Variants in CSMD1 observed in about 807,000 individuals in gnomAD.
CSMD1 encodes the protein CUB and Sushi multiple domains 1, also known as CUB and sushi domain-containing protein 1.
Under a neutral mutation model 417.5 loss-of-function variants are expected in CSMD1, and 213 were observed. The ratio of observed to expected loss-of-function variants is 0.51; its 90% confidence interval spans 0.46 to 0.57. The LOEUF (loss-of-function observed/expected upper bound fraction) is 0.57, where lower values mean the gene tolerates loss of function less well. Among genes scored for constraint, CSMD1 ranks in the 20% least tolerant of loss-of-function variants. CSMD1 has a pLI of 0.00. For missense variants in CSMD1, 6,923 were observed against 4,529.7 expected (o/e 1.53, Z -15.17); for synonymous variants, 2,862 against 1,736.8 (o/e 1.65, Z -16.11).
intron 26 of CSMD1, among the ~76,000 whole-genome samples, chr8:3,257,844 G>A (rs966256971): frequency 6.6e-6 from 1 of 152,142 alleles, no homozygotes; most frequent in East Asian, 1.9e-4. Flanking sequence ...AGCTGCAAGG[G>A]ACTTGGGGCT....
At chr8:4,113,943 AG>A (rs1276885358) in intron 3 of CSMD1, among the ~76,000 whole-genome samples, 2 of 152,228 alleles carry the variant, frequency 1.3e-5, no homozygotes, top group African/African-American at 2.4e-5. Flanking sequence ...ATTTAAGAAA[AG>A]AAGCCATCTC....
chr8:3,828,684 T>C (rs1352463512), intron 5 of CSMD1, among the ~76,000 whole-genome samples: 2 of 152,126 alleles, frequency 1.3e-5, no homozygotes, highest in African/African-American at 4.8e-5. Flanking sequence ...GGACCTCTTT[T>C]CAGGTTGCTT....
chr8:4,240,532 G>C (rs769289055), intron 3 of CSMD1, among the ~76,000 whole-genome samples: 10 of 152,188 alleles, frequency 6.6e-5, no homozygotes, highest in Admixed American at 2.6e-4. Flanking sequence ...ACCTGATTGT[G>C]TAGTGTCCTC....
chr8:3,158,168 G>A (rs147773005), intron 38 of CSMD1, among the ~76,000 whole-genome samples: 6 of 152,170 alleles, frequency 3.9e-5, no homozygotes, highest in East Asian at 3.9e-4. Context: ...CATTTTCACC[G>A]TGTTTCTTTC....
intron 11 of CSMD1, among the ~76,000 whole-genome samples, chr8:3,485,075 A>G (rs999323001): frequency 1.3e-5 from 2 of 152,222 alleles, no homozygotes; most frequent in Admixed American, 6.5e-5. Context: ...TTTCCAAGAG[A>G]AATAAAAACT....
In CSMD1 at chr8:3,829,242, T is replaced by C. The variant is rs187735370; in HGVS notation, c.819-75200A>G. ...TCCTTCTTATGCCTTTGCATCCTCA[T>C]AGCTTAGCTCCCACATATGAGTGAG... is the stretch of plus-strand genomic sequence containing the variant. On this transcript the variant is annotated intron_variant, in intron 5 of 69. Coordinates refer to ENST00000635120, the MANE Select transcript of CSMD1 (RefSeq NM_033225.6). 2.3e-3 allele frequency among the ~76,000 whole-genome samples: 343 copies of C among 152,248 alleles called. 2 individuals are homozygous for C. Among genetic ancestry groups the C allele is most frequent in the African/African-American group, 7.8e-3 (324 of 41,552 alleles).
At chr8:4,434,178 A>G (rs912284486) in intron 2 of CSMD1, among the ~76,000 whole-genome samples, 12 of 152,152 alleles carry the variant, frequency 7.9e-5, no homozygotes, top group African/African-American at 2.9e-4. Flanking sequence ...TCTCTACTAA[A>G]AATACAGAAA....
intron 1 of CSMD1, among the ~76,000 whole-genome samples, chr8:4,735,463 A>G (rs1315527779): frequency 6.6e-6 from 1 of 152,194 alleles, no homozygotes; most frequent in Non-Finnish European, 1.5e-5. Flanking sequence ...TTGTAGGACG[A>G]CAGATTTCCT....
chr8:4,665,069 G>C (rs1394401679), intron 1 of CSMD1, among the ~76,000 whole-genome samples: 3 of 152,044 alleles, frequency 2.0e-5, no homozygotes, highest in Non-Finnish European at 4.4e-5. Context: ...AAAGGTATTA[G>C]TTTCCCTTTA....
At chr8:4,263,960 C>G (rs1212600880) in intron 3 of CSMD1, among the ~76,000 whole-genome samples, 1 of 152,132 alleles carries the variant, frequency 6.6e-6, no homozygotes, top group African/African-American at 2.4e-5. Context: ...TTTGTCATAG[C>G]AGAAGAATCA....
intron 3 of CSMD1, among the ~76,000 whole-genome samples, chr8:4,048,732 T>A (rs1229957556): frequency 6.6e-6 from 1 of 152,230 alleles, no homozygotes; most frequent in Non-Finnish European, 1.5e-5. Context: ...CATACATGTA[T>A]ATCTATAGAA....
At chr8:3,318,520 C>A (rs1408444684) in intron 23 of CSMD1, among the ~76,000 whole-genome samples, 1 of 152,144 alleles carries the variant, frequency 6.6e-6, no homozygotes, top group Non-Finnish European at 1.5e-5. Context: ...TTAACATATT[C>A]CCTATTAAAA....
In CSMD1 at chr8:3,187,906, A is replaced by G. The variant is rs142880495; in HGVS notation, c.5583T>C (p.Gly1861=). The G allele has an allele frequency of 7.9e-3, 12,689 of 1,612,906 alleles. 74 individuals are homozygous for G. The highest frequency in any genetic ancestry group is 9.6e-3 in the Non-Finnish European group (11,287 of 1,179,462). The change falls in exon 36 of 70, where the codon GGT becomes GGC. Residue 1861 remains glycine (G), a synonymous_variant. Coordinates refer to ENST00000635120, the MANE Select transcript of CSMD1 (RefSeq NM_033225.6). ...CCAGTCTGGGTGCGGTCACATCCCCACCATCGTGGATCTCAAGGGAGTCCC... is the reference window on the plus strand; with the variant it reads ...CCAGTCTGGGTGCGGTCACATCCCCGCCATCGTGGATCTCAAGGGAGTCCC... ...QNWDSLEIHD[G]GDVTAPRLGS...
At chr8:3,766,136 A>T (rs1046987146) in intron 5 of CSMD1, among the ~76,000 whole-genome samples, 5 of 152,204 alleles carry the variant, frequency 3.3e-5, no homozygotes, top group African/African-American at 7.2e-5. Context: ...AGTGGCCCTG[A>T]TGGCATTTCT....
chr8:4,075,386 G>GA (rs1799769344), intron 3 of CSMD1, among the ~76,000 whole-genome samples: 2 of 151,812 alleles, frequency 1.3e-5, no homozygotes, highest in South Asian at 4.1e-4. Flanking sequence ...CTAAAGAACA[G>GA]AAAAAACTCA....
chr8:3,300,978 AAAAG>A (rs1804353465), intron 25 of CSMD1, among the ~76,000 whole-genome samples: 3 of 149,362 alleles, frequency 2.0e-5, no homozygotes, highest in South Asian at 2.1e-4. Flanking sequence ...AAAAAAAAAA[AAAAG>A]AGAAAGAAAA....
At position 2,935,863 on chromosome 8, in the gene CSMD1, G is replaced by GA. The variant is rs1168550007; in HGVS notation, c.*2721dup. 1 of 152,160 alleles carries GA rather than the reference G, an allele frequency of 6.6e-6. No individual in the cohort carries two copies. The highest frequency in any genetic ancestry group is 1.5e-5 in the Non-Finnish European group (1 of 68,036). 9.4% of individuals were successfully genotyped at this position (152,160 alleles called of 1,614,324 possible). On this transcript the variant is annotated 3_prime_UTR_variant, in exon 70 of 70. Coordinates refer to ENST00000635120, the MANE Select transcript of CSMD1 (RefSeq NM_033225.6). ...AGAAAAAAATTATTGCAGCTAGCCT[G>GA]AAAAAAGGCAAGATGTGTGTGTAAA...
chr8:4,248,301 T>G (rs375223815), intron 3 of CSMD1, among the ~76,000 whole-genome samples: 1 of 152,064 alleles, frequency 6.6e-6, no homozygotes, highest in South Asian at 2.1e-4. Flanking sequence ...CAATCTGAAT[T>G]TATATACTAA....
At chr8:3,111,647 C>A (rs112194801) in intron 42 of CSMD1, among the ~76,000 whole-genome samples, 2 of 152,178 alleles carry the variant, frequency 1.3e-5, no homozygotes, top group South Asian at 4.1e-4. Context: ...GCCTGACCAA[C>A]ATGGGGAAAC....
Sources: allele counts gnomAD v4.1 joint callset (sites outside exome capture counted in the v4.1 genomes callset), GRCh38; gene constraint gnomAD v4.1.1; transcripts MANE v1.5; gene names NCBI Gene and HGNC (gene_info 2026-07-23, HGNC 2026-07-21).